Variants in FAM229B observed in about 807,000 individuals in gnomAD.
The protein encoded by FAM229B is protein FAM229B.
A neutral mutation model predicts 6.7 loss-of-function variants in FAM229B; 2 were observed. That is an observed-to-expected ratio of 0.30 (90% CI 0.12 to 0.94). FAM229B has a LOEUF of 0.94. Ranked by LOEUF, FAM229B falls within the 40% of genes least tolerant of loss-of-function variation. The pLI, the probability that FAM229B is intolerant of heterozygous loss-of-function variation, is 0.54. For missense variants in FAM229B, 93 were observed against 96.2 expected, an observed-to-expected ratio of 0.97 and a Z score of 0.14; for synonymous variants, 29 against 34.0, an observed-to-expected ratio of 0.85 and a Z score of 0.51.
At chr6:112,099,085 G>A (rs1777362129) in intron 2 of FAM229B, among the ~76,000 whole-genome samples, 185 bp from the exon 3 acceptor site, 2 of 152,136 alleles carry the variant, frequency 1.3e-5, no homozygotes, top group African/African-American at 2.4e-5. Context: ...CTTAAGCCCA[G>A]GGTTTCAAAA....
chr6:112,096,474 T>TG (rs11390284), intron 1 of FAM229B, among the ~76,000 whole-genome samples: 37,647 of 151,716 alleles, frequency 0.25, 4,677 homozygotes, highest in East Asian at 0.32. Flanking sequence ...GAGAGTGGTG[T>TG]GAACAGGTGA....
rs975638488 is a variant in FAM229B, at chr6:112,100,993, A to T, written c.*206A>T. 9.9e-5 allele frequency: 47 copies of T among 474,202 alleles called. No individual in the cohort carries two copies. Among genetic ancestry groups the T allele is most frequent in the Non-Finnish European group, 7.5e-6 (2 of 267,276 alleles). The allele number at this position is 474,202 out of a possible 1,614,324, so 29.4% of individuals were successfully genotyped here. The stretch of plus-strand genomic sequence containing the variant: ...AGTTATGTCTGATACATAAGACAGA[A>T]TAATATTTCACAATTAGAAAGTACC... On this transcript the variant is annotated 3_prime_UTR_variant, in exon 4 of 4. Coordinates refer to ENST00000368656, the MANE Select transcript of FAM229B (RefSeq NM_001033564.3).
intron 3 of FAM229B, among the ~76,000 whole-genome samples, chr6:112,100,114 A>G (rs117310352): frequency 3.9e-4 from 59 of 152,342 alleles, no homozygotes; most frequent in Non-Finnish European, 8.1e-4. Flanking sequence ...ATCTTTAGAA[A>G]TGCTAAAGGC....
At chr6:112,093,995 A>C (rs587692079) in intron 1 of FAM229B, among the ~76,000 whole-genome samples, 5 of 152,220 alleles carry the variant, frequency 3.3e-5, no homozygotes, top group African/African-American at 9.6e-5. Context: ...AAAAGCAAAA[A>C]AATTTTAACT....
chr6:112,094,056 A>C (rs369501238), intron 1 of FAM229B, among the ~76,000 whole-genome samples: 1 of 152,144 alleles, frequency 6.6e-6, no homozygotes, highest in Middle Eastern at 3.2e-3. Context: ...CAGCTAAAGG[A>C]GTGCTTTGAT....
At chr6:112,100,561 T>A in intron 3 of FAM229B, 109 bp from the exon 4 acceptor site, 1 of 705,756 alleles carries the variant, frequency 1.4e-6, no homozygotes, top group East Asian at 2.6e-5. Flanking sequence ...CATTCAGAGA[T>A]TTCAAAGTGA....
intron 1 of FAM229B, among the ~76,000 whole-genome samples, chr6:112,094,842 G>A (rs1777301551): frequency 6.6e-6 from 1 of 152,052 alleles, no homozygotes; most frequent in Non-Finnish European, 1.5e-5. Context: ...ATACTTAAGG[G>A]GGTATTTGGA....
intron 1 of FAM229B, among the ~76,000 whole-genome samples, chr6:112,091,535 A>C (rs1419931360): frequency 6.6e-6 from 1 of 152,164 alleles, no homozygotes; most frequent in African/African-American, 2.4e-5. Context: ...CCTGGATGAA[A>C]GGCTGTTGTA....
At chr6:112,094,430 T>C (rs1292923743) in intron 1 of FAM229B, among the ~76,000 whole-genome samples, 1 of 152,194 alleles carries the variant, frequency 6.6e-6, no homozygotes, top group Admixed American at 6.5e-5. Context: ...GCCTTTCAGA[T>C]TTTTTATTGT....
rs1285903158 is a variant in FAM229B, at chr6:112,097,200, T to C, written c.-16T>C. 1.3e-5 allele frequency: 2 copies of C among 152,234 alleles called. No individual in the cohort carries two copies. Among genetic ancestry groups the C allele is most frequent in the Non-Finnish European group, 2.9e-5 (2 of 68,034 alleles). 9.4% of individuals were successfully genotyped at this position (152,234 alleles called of 1,614,324 possible). A position where few individuals can be genotyped will look rare whatever the true frequency, so the allele number is the denominator to read the frequency against. ...TACAGGAATCAGACTCAGCCTCTTT[T>C]GGTAAGTCTATTTATCCTTGATCAA... On this transcript the variant is annotated splice_region_variant and 5_prime_UTR_variant, in exon 2 of 4. Transcript: ENST00000368656.
At chr6:112,099,462 C>T in intron 3 of FAM229B, 54 bp downstream of exon 3, 1 of 1,497,684 alleles carries the variant, frequency 6.7e-7, no homozygotes, top group Non-Finnish European at 9.0e-7. Context: ...ATCATCAATA[C>T]AACCTTCAGC....
At chr6:112,088,269 T>G (rs1777206506) in intron 1 of FAM229B, among the ~76,000 whole-genome samples, 2 of 152,286 alleles carry the variant, frequency 1.3e-5, no homozygotes, top group Admixed American at 1.3e-4. Flanking sequence ...GATGGGTATT[T>G]AGATGGGATA....
chr6:112,087,921 A>G (rs1009023659), intron 1 of FAM229B, among the ~76,000 whole-genome samples: 1 of 152,194 alleles, frequency 6.6e-6, no homozygotes, highest in Non-Finnish European at 1.5e-5. Flanking sequence ...GCGTTGAGCA[A>G]AGAGAAACCC....
chr6:112,099,459 A>G (rs190366774), intron 3 of FAM229B, 51 bp downstream of exon 3: 1 of 1,528,066 alleles, frequency 6.5e-7, no homozygotes, highest in Admixed American at 2.1e-5. Flanking sequence ...GCTATCATCA[A>G]TACAACCTTC....
At position 112,100,725 on chromosome 6, in the gene FAM229B, A is replaced by T. The variant is rs956494820; in HGVS notation, c.181A>T (p.Thr61Ser). ...CCTGACAATAACTGATGTTCCCGTCACTGTTTATGCAACAACGAGAAAGCC... is the reference window on the plus strand; with the variant it reads ...CCTGACAATAACTGATGTTCCCGTCTCTGTTTATGCAACAACGAGAAAGCC... ...HCLTITDVPV[T>S]VYATTRKPPA... The change falls in exon 4 of 4, where the codon ACT (threonine) becomes TCT (serine). Residue 61 changes from threonine to serine, a missense_variant. By Grantham distance (58) the Thr-to-Ser change is moderately conservative (BLOSUM62 1). Coordinates refer to ENST00000368656, the MANE Select transcript of FAM229B (RefSeq NM_001033564.3). 2 of 1,614,090 alleles carry T rather than the reference A, an allele frequency of 1.2e-6. No individual in the cohort carries two copies. Among genetic ancestry groups the T allele is most frequent in the Non-Finnish European group, 1.7e-6 (2 of 1,179,948 alleles).
intron 1 of FAM229B, among the ~76,000 whole-genome samples, chr6:112,090,511 C>T (rs958072248): frequency 5.3e-5 from 8 of 152,070 alleles, no homozygotes; most frequent in African/African-American, 1.7e-4. Flanking sequence ...TATAGCGGTA[C>T]CTAAGTCTGG....
At chr6:112,094,228 G>A (rs1426476873) in intron 1 of FAM229B, among the ~76,000 whole-genome samples, 8 of 152,052 alleles carry the variant, frequency 5.3e-5, no homozygotes, top group African/African-American at 1.9e-4. Flanking sequence ...AAAATAAATA[G>A]TAAATAGAAA....
chr6:112,098,523 T>G (rs1777355367), intron 2 of FAM229B, among the ~76,000 whole-genome samples: 1 of 152,212 alleles, frequency 6.6e-6, no homozygotes, highest in South Asian at 2.1e-4. Flanking sequence ...ACTATTATCC[T>G]AGAAGTAGAA....
At chr6:112,096,946 A>T (rs1430673366) in intron 1 of FAM229B, 95 bp from the exon 2 acceptor site, 1 of 152,248 alleles carries the variant, frequency 6.6e-6, no homozygotes, top group African/African-American at 2.4e-5. Flanking sequence ...GCCAGTAAAA[A>T]CAAGAATGAA....
Sources: gnomAD v4.1 joint callset for allele counts (sites outside exome capture counted in the v4.1 genomes callset) on GRCh38, gnomAD v4.1.1 for gene constraint, MANE v1.5 for transcripts, NCBI Gene and HGNC (gene_info 2026-07-23, HGNC 2026-07-21) for gene names.